ZNF804B: variants seen among roughly 807,000 people sequenced by gnomAD.
ZNF804B encodes zinc finger protein 804B, also known as zinc finger 804B.
Under a neutral mutation model 101.4 loss-of-function variants are expected in ZNF804B, and 80 were observed. That is an observed-to-expected ratio of 0.79 (90% CI 0.66 to 0.95). The LOEUF is 0.95. Ranked by LOEUF, ZNF804B falls within the 40% of genes least tolerant of loss-of-function variation. ZNF804B has a pLI of 0.00. For missense variants in ZNF804B, 1,673 were observed against 1,561.9 expected, an observed-to-expected ratio of 1.07 and a Z score of -1.20; for synonymous variants, 622 against 558.8, an observed-to-expected ratio of 1.11 and a Z score of -1.59.
At chr7:88,860,286 A>G (rs1052838788) in intron 1 of ZNF804B, among the ~76,000 whole-genome samples, 5 of 152,070 alleles carry the variant, frequency 3.3e-5, no homozygotes, top group Admixed American at 2.0e-4. Flanking sequence ...TGCAGTTTGT[A>G]TGTGTATCAT....
intron 1 of ZNF804B, among the ~76,000 whole-genome samples, chr7:88,781,077 C>T (rs1055065351): frequency 2.6e-5 from 4 of 152,044 alleles, no homozygotes; most frequent in Non-Finnish European, 4.4e-5. Context: ...CCCATAAAAG[C>T]GACACAAGTC....
At chr7:88,772,913 G>A (rs137907466) in intron 1 of ZNF804B, among the ~76,000 whole-genome samples, 1 of 152,272 alleles carries the variant, frequency 6.6e-6, no homozygotes, top group African/African-American at 2.4e-5. Context: ...GGTCTTGAAT[G>A]GTGAAAGCTT....
intron 1 of ZNF804B, among the ~76,000 whole-genome samples, chr7:89,158,880 A>C (rs1007590047): frequency 1.3e-5 from 2 of 152,154 alleles, no homozygotes; most frequent in African/African-American, 4.8e-5. Context: ...AGATCCCCCC[A>C]AAAATTGAAC....
Position 89,240,088 on chromosome 7 carries a change from G to T in ZNF804B, c.249+21793G>T, listed in dbSNP as rs549825906. ...TTTGAATAAAATGTCTTGATTTCTA[G>T]TTACTACTAGTATTTTTAAAAGAGA... On this transcript the variant is annotated intron_variant, in intron 2 of 3. Coordinates refer to ENST00000333190, the MANE Select transcript of ZNF804B (RefSeq NM_181646.5). 2.0e-5 allele frequency among the ~76,000 whole-genome samples: 3 copies of T among 151,808 alleles called. No homozygotes were observed. In the South Asian group the frequency reaches 6.2e-4, roughly 32 times the overall value.
chr7:89,093,774 A>G (rs1789930188), intron 1 of ZNF804B, among the ~76,000 whole-genome samples: 1 of 152,240 alleles, frequency 6.6e-6, no homozygotes, highest in Admixed American at 6.5e-5. Context: ...GACCCCCTTC[A>G]ACAGGTATAG....
intron 2 of ZNF804B, among the ~76,000 whole-genome samples, chr7:89,283,818 G>A (rs1790135788): frequency 6.6e-6 from 1 of 151,782 alleles, no homozygotes; most frequent in African/African-American, 2.4e-5. Context: ...ATTGCATGGG[G>A]CCACTTATAC....
At chr7:88,978,624 G>A (rs1018159913) in intron 1 of ZNF804B, among the ~76,000 whole-genome samples, 2 of 150,970 alleles carry the variant, frequency 1.3e-5, no homozygotes, top group Admixed American at 6.6e-5. Flanking sequence ...TTTCTTCTAG[G>A]CAACAGACCA....
chr7:89,174,083 C>G (rs1791281026), intron 1 of ZNF804B, among the ~76,000 whole-genome samples: 1 of 151,924 alleles, frequency 6.6e-6, no homozygotes, highest in South Asian at 2.1e-4. Context: ...CTTTGTGTTA[C>G]AGACATTCCG....
intron 1 of ZNF804B, among the ~76,000 whole-genome samples, chr7:88,831,954 G>A (rs759904805): frequency 6.6e-6 from 1 of 151,516 alleles, no homozygotes; most frequent in Non-Finnish European, 1.5e-5. Flanking sequence ...TTAATCTTTT[G>A]TGTTTTAATC....
chr7:88,772,005 A>G lies in ZNF804B; in HGVS notation c.108+11921A>G, dbSNP rs912515374. Among the ~76,000 whole-genome samples, 3 of 152,176 alleles carry G rather than the reference A, an allele frequency of 2.0e-5. No homozygotes were observed. The South Asian group carries it at 6.2e-4, about 32-fold the overall frequency. On this transcript the variant is annotated intron_variant, in intron 1 of 3. Transcript: ENST00000333190. The stretch of plus-strand genomic sequence containing the variant: ...GTTATACTTCCACAAGCATGCATGA[A>G]GATAAAATACAAATTTTTGTCACTA...
intron 1 of ZNF804B, among the ~76,000 whole-genome samples, chr7:89,045,186 C>A (rs1415395336): frequency 1.3e-5 from 2 of 152,214 alleles, no homozygotes; most frequent in Non-Finnish European, 2.9e-5. Context: ...TGTTGGGCAT[C>A]TGTGGGTGCA....
chr7:88,778,280 T>C (rs10232993), intron 1 of ZNF804B, among the ~76,000 whole-genome samples: 74,685 of 151,994 alleles, frequency 0.49, 21,727 homozygotes, highest in East Asian at 0.79. Flanking sequence ...TGATTCTCTG[T>C]ATTGGGAAAA....
At position 88,791,185 on chromosome 7, in the gene ZNF804B, G is replaced by A. The variant is rs138299508; in HGVS notation, c.108+31101G>A. On this transcript the variant is annotated intron_variant, in intron 1 of 3. Coordinates refer to ENST00000333190, the MANE Select transcript of ZNF804B (RefSeq NM_181646.5). ...AATTAGATATAATTAAAATATTTAA[G>A]CTCCCTTTGATTTATAAACCTCCTT... is the stretch of plus-strand genomic sequence containing the variant. 3.9e-3 allele frequency among the ~76,000 whole-genome samples: 588 copies of A among 152,112 alleles called. 5 individuals carry two copies. Among genetic ancestry groups the A allele is most frequent in the African/African-American group, 0.013 (546 of 41,516 alleles).
At chr7:89,265,670 C>T (rs1005674776) in intron 2 of ZNF804B, among the ~76,000 whole-genome samples, 11 of 152,230 alleles carry the variant, frequency 7.2e-5, no homozygotes, top group East Asian at 3.9e-4. Context: ...AATAAAATGA[C>T]GCAGTTTAAA....
chr7:88,901,012 A>C (rs1452066718), intron 1 of ZNF804B, among the ~76,000 whole-genome samples: 1 of 151,780 alleles, frequency 6.6e-6, no homozygotes, highest in Non-Finnish European at 1.5e-5. Flanking sequence ...TAGCATTTAT[A>C]TACTCTATTT....
At chr7:89,176,594 T>C (rs1791326652) in intron 1 of ZNF804B, among the ~76,000 whole-genome samples, 2 of 145,210 alleles carry the variant, frequency 1.4e-5, no homozygotes, top group Non-Finnish European at 3.0e-5. Context: ...TTTCTTTCTT[T>C]TTTTTTTTTT....
intron 1 of ZNF804B, among the ~76,000 whole-genome samples, chr7:89,007,881 A>G (rs1788394282): frequency 6.6e-6 from 1 of 151,842 alleles, no homozygotes; most frequent in South Asian, 2.1e-4. Context: ...GTTTGTTAAT[A>G]TATGCAAAAT....
intron 1 of ZNF804B, among the ~76,000 whole-genome samples, chr7:89,092,214 C>A (rs964946576): frequency 1.3e-5 from 2 of 151,242 alleles, no homozygotes; most frequent in African/African-American, 4.9e-5. Flanking sequence ...GGTCTCTCTA[C>A]GGGCAGTAAT....
chr7:89,147,629 T>G (rs1302993590), intron 1 of ZNF804B, among the ~76,000 whole-genome samples: 1 of 151,326 alleles, frequency 6.6e-6, no homozygotes, highest in Non-Finnish European at 1.5e-5. Flanking sequence ...CAGCAGGAGG[T>G]GAGCCATGAG....
Sources: gnomAD v4.1 joint callset for allele counts (sites outside exome capture counted in the v4.1 genomes callset) on GRCh38, gnomAD v4.1.1 for gene constraint, MANE v1.5 for transcripts, NCBI Gene and HGNC (gene_info 2026-07-23, HGNC 2026-07-21) for gene names.